The following HEG1 variants were observed in gnomAD, a reference collection of about 807,000 sequenced individuals.
HEG1 encodes the protein heart development protein with EGF like domains 1.
A neutral mutation model predicts 125.6 loss-of-function variants in HEG1; 56 were observed. The ratio of observed to expected loss-of-function variants is 0.45; its 90% CI spans 0.36 to 0.56. The LOEUF is 0.56. Ranked by LOEUF, HEG1 falls within the 20% of genes least tolerant of loss-of-function variation. HEG1 has a pLI of 0.00. For synonymous variants in HEG1, 644 were observed against 668.5 expected, an observed-to-expected ratio of 0.96 and a Z score of 0.57; for missense variants, 1,523 against 1,670.0, an observed-to-expected ratio of 0.91 and a Z score of 1.53.
intron 3 of HEG1, among the ~76,000 whole-genome samples, chr3:125,021,418 A>G (rs1937334377): frequency 6.6e-6 from 1 of 152,150 alleles, no homozygotes; most frequent in Non-Finnish European, 1.5e-5. Flanking sequence ...TTTAAAGAGA[A>G]AGATGAAAAT....
At chr3:125,052,557 C>A (rs776235064) in intron 1 of HEG1, among the ~76,000 whole-genome samples, 2 of 152,238 alleles carry the variant, frequency 1.3e-5, no homozygotes, top group Non-Finnish European at 2.9e-5. Flanking sequence ...TCCCTCTCAT[C>A]TGCAGATCTC....
chr3:124,997,954 A>G, intron 11 of HEG1, 131 bp from the exon 12 acceptor site: 5 of 1,048,068 alleles, frequency 4.8e-6, no homozygotes, highest in Non-Finnish European at 6.5e-6. Context: ...CAGTTTTCCG[A>G]AAAGTCTCCA....
Position 124,966,214 on chromosome 3 carries a change from T to A in HEG1, c.*4438A>T, listed in dbSNP as rs1936306582. On this transcript the variant is annotated 3_prime_UTR_variant, in exon 17 of 17. Transcript: ENST00000311127. ...CATTTTAAAAATCTGAATATGCAAA[T>A]TCTTCAAAATGTCCTCTTTGAAAAT... is the stretch of plus-strand genomic sequence containing the variant. 1 of 152,234 alleles carries A rather than the reference T, an allele frequency of 6.6e-6. No homozygotes were observed. Among genetic ancestry groups the A allele is most frequent in the Non-Finnish European group, 1.5e-5 (1 of 68,048 alleles). The allele number at this position is 152,234 out of a possible 1,614,324, so 9.4% of individuals were successfully genotyped here. A position where few individuals can be genotyped will look rare whatever the true frequency, so the allele number is the denominator to read the frequency against.
At chr3:125,030,430 AAGAG>A (rs1937482163) in intron 1 of HEG1, among the ~76,000 whole-genome samples, 1 of 152,204 alleles carries the variant, frequency 6.6e-6, no homozygotes, top group Non-Finnish European at 1.5e-5. Context: ...TAGAAAGAGG[AAGAG>A]AAAGAACAAA....
In HEG1 at chr3:125,055,582, C is replaced by T; in HGVS notation, c.309G>A (p.Gly103=). 1 of 1,205,476 alleles carries T rather than the reference C, an allele frequency of 8.3e-7. No individual in the cohort carries two copies. The allele number at this position is 1,205,476 out of a possible 1,614,324, so 74.7% of individuals were successfully genotyped here. A position where few individuals can be genotyped will look rare whatever the true frequency, so the allele number is the denominator to read the frequency against. Residue 103 remains glycine (G), a synonymous_variant, in exon 1 of 17, where the codon GGG becomes GGA. Transcript: ENST00000311127. ...RGPSGRAPRG[G]SADAAWKHWP... is the part of the protein sequence containing the mutation. ...TTCCCGGCTCTCACTCACCCGCGCTCCCGCCTCTGGGGGCCCGGCCGGAGG... is the reference window on the plus strand; with the variant it reads ...TTCCCGGCTCTCACTCACCCGCGCTTCCGCCTCTGGGGGCCCGGCCGGAGG...
chr3:124,982,005 C>T (rs759952243), intron 14 of HEG1, among the ~76,000 whole-genome samples: 4 of 151,924 alleles, frequency 2.6e-5, no homozygotes, highest in Non-Finnish European at 5.9e-5. Flanking sequence ...CGGGTTCAAG[C>T]GATTCTCCTT....
At position 125,015,791 on chromosome 3, in the gene HEG1, GA is replaced by G. The variant is rs200213969; in HGVS notation, c.1589-1802del. Among the ~76,000 whole-genome samples the G allele has an allele frequency of 4.0e-5, 6 of 149,866 alleles. No homozygotes were observed. The South Asian group carries it at 8.3e-4, about 21-fold the overall frequency. ...CCTTCCTAATCTGGCTGTACAAAAA[GA>G]AAAAAAAACCCAAAAAACAAAAAAC... On this transcript the variant is annotated intron_variant, in intron 5 of 16. Coordinates refer to ENST00000311127, the MANE Select transcript of HEG1 (RefSeq NM_020733.2).
In HEG1 at chr3:124,992,991, A is replaced by G. The variant is rs140817856; in HGVS notation, c.3653-2005T>C. On this transcript the variant is annotated intron_variant, in intron 12 of 16. Coordinates refer to ENST00000311127, the MANE Select transcript of HEG1 (RefSeq NM_020733.2). ...TGGGGATGTCATGGACTGCTTTGCT[A>G]CAATACCACTCAGTAACCTCTTGAC... 8.5e-3 allele frequency among the ~76,000 whole-genome samples: 1,289 copies of G among 152,314 alleles called. 15 individuals are homozygous for G. Among genetic ancestry groups the G allele is most frequent in the Non-Finnish European group, 9.4e-3 (638 of 68,032 alleles).
intron 5 of HEG1, chr3:125,014,686 T>C (rs1014734135): frequency 1.2e-5 from 15 of 1,233,442 alleles, no homozygotes; most frequent in Non-Finnish European, 1.6e-5. Flanking sequence ...AGGGATGTGT[T>C]AAAAGAGACT....
chr3:125,040,271 A>G (rs1339484689), intron 1 of HEG1, among the ~76,000 whole-genome samples: 1 of 152,190 alleles, frequency 6.6e-6, no homozygotes, highest in Non-Finnish European at 1.5e-5. Context: ...AGGATCAAGG[A>G]CTGATTCCCG....
At chr3:125,027,728 G>C (rs1046480939) in intron 2 of HEG1, among the ~76,000 whole-genome samples, 2 of 152,172 alleles carry the variant, frequency 1.3e-5, no homozygotes, top group African/African-American at 4.8e-5. Flanking sequence ...AAAATTCTCA[G>C]AAAAGGAGCT....
chr3:125,009,504 C>A, intron 8 of HEG1: 1 of 409,898 alleles, frequency 2.4e-6, no homozygotes, highest in Non-Finnish European at 4.4e-6. Flanking sequence ...AAATATACTG[C>A]ACATCAAAAA....
chr3:124,992,879 G>A (rs991974194), intron 12 of HEG1, among the ~76,000 whole-genome samples: 1 of 152,232 alleles, frequency 6.6e-6, no homozygotes. Context: ...TGACCCCACA[G>A]TATCACTTTT....
chr3:125,016,848 G>A (rs1038361486), intron 5 of HEG1, among the ~76,000 whole-genome samples: 1 of 152,104 alleles, frequency 6.6e-6, no homozygotes, highest in Non-Finnish European at 1.5e-5. Flanking sequence ...CAGACTGTGA[G>A]AATTGTTTTA....
chr3:124,994,546 C>G (rs895718896), intron 12 of HEG1, among the ~76,000 whole-genome samples: 2 of 151,104 alleles, frequency 1.3e-5, no homozygotes, highest in Admixed American at 6.6e-5. Context: ...TGCTCTGTCA[C>G]CCAGGCTGGA....
rs942055820 is a variant in HEG1 at position 125,010,380 on chromosome 3, A to T, written c.3073+59T>A. On this transcript the variant is annotated intron_variant, in intron 7 of 16. Transcript: ENST00000311127. Reference sequence around the variant, plus strand: ...CACATTTTGGAGGAAAAAGGAGTTTATTGGGTAGCCCAACGTGGTACTGTG... The same window carrying T: ...CACATTTTGGAGGAAAAAGGAGTTTTTTGGGTAGCCCAACGTGGTACTGTG... The T allele has an allele frequency of 2.9e-6, 3 of 1,045,282 alleles. No homozygotes were observed. In the African/African-American group the frequency reaches 4.8e-5, roughly 17 times the overall value. The allele number at this position is 1,045,282 out of a possible 1,614,324, so 64.8% of individuals were successfully genotyped here.
intron 4 of HEG1, among the ~76,000 whole-genome samples, chr3:125,020,046 G>A (rs982254321): frequency 6.6e-6 from 1 of 152,264 alleles, no homozygotes; most frequent in African/African-American, 2.4e-5. Context: ...TAAGGATTAA[G>A]CCAAACCACG....
intron 5 of HEG1, among the ~76,000 whole-genome samples, chr3:125,016,886 A>G (rs1358973957): frequency 1.3e-5 from 2 of 152,266 alleles, no homozygotes; most frequent in African/African-American, 2.4e-5. Flanking sequence ...ATTATTAAAA[A>G]GAAACATCAA....
At position 124,970,630 on chromosome 3, in the gene HEG1, T is replaced by C. The variant is rs758415464; in HGVS notation, c.*22A>G. The C allele has an allele frequency of 6.3e-7, 1 of 1,581,588 alleles. No individual in the cohort carries two copies. The highest frequency in any genetic ancestry group is 2.3e-5 in the East Asian group (1 of 43,640). On this transcript the variant is annotated 3_prime_UTR_variant, in exon 17 of 17. Transcript: ENST00000311127. ...GTCCCAGGTGACTGGCTCAGAGCAA[T>C]GAGTCCCTCTCTCTCCTGGACTTAA...
Sources: gnomAD v4.1 joint callset for allele counts (sites outside exome capture counted in the v4.1 genomes callset) on GRCh38, gnomAD v4.1.1 for gene constraint, MANE v1.5 for transcripts, NCBI Gene and HGNC (gene_info 2026-07-23, HGNC 2026-07-21) for gene names.